DSPP: variants seen among roughly 807,000 people sequenced by gnomAD.
DSPP encodes the protein dentin sialophosphoprotein, also known as deafness, autosomal dominant 39.
A neutral mutation model predicts 29.1 loss-of-function variants in DSPP; 28 were observed. That is an observed-to-expected ratio of 0.96 (90% CI 0.71 to 1.32). The LOEUF is 1.32. Among genes scored for constraint, DSPP ranks in the 40% most tolerant of loss-of-function variants. The pLI is 0.00. For synonymous variants in DSPP, 481 were observed against 503.4 expected (o/e 0.96, Z 0.60); for missense variants, 1,281 against 1,629.9 (o/e 0.79, Z 3.69).
intron 2 of DSPP, among the ~76,000 whole-genome samples, chr4:87,611,668 T>C (rs1261836092): frequency 1.3e-5 from 2 of 152,220 alleles, no homozygotes; most frequent in Non-Finnish European, 1.5e-5. Flanking sequence ...AGCGTAATAC[T>C]TGATTTTGCC....
intron 2 of DSPP, among the ~76,000 whole-genome samples, chr4:87,611,701 C>T (rs1727737650): frequency 6.6e-6 from 1 of 152,188 alleles, no homozygotes; most frequent in Non-Finnish European, 1.5e-5. Flanking sequence ...CTGGTCACGC[C>T]TCCTGTTCTC....
At position 87,615,954 on chromosome 4, in the gene DSPP, G is replaced by A. The variant is rs1171419071; in HGVS notation, c.3292G>A (p.Asp1098Asn). 1.9e-5 allele frequency: 9 copies of A among 473,910 alleles called. 3 individuals are homozygous for A. The highest frequency in any genetic ancestry group is 2.8e-5 in the Non-Finnish European group (9 of 326,258). 29.4% of individuals were successfully genotyped at this position (473,910 alleles called of 1,614,324 possible). The change falls in exon 5 of 5, where the codon GAT becomes AAT. Residue 1098 changes from aspartate (D) to asparagine (N), a missense_variant. Physicochemically the swap from Asp to Asn is conservative, Grantham distance 23. This residue lies in a region of DSPP where 72 missense variants were observed against 190.3 expected (regional missense o/e 0.38). Transcript: ENST00000651931. ...SDSSNSSDSSDSSDSSDSSDS... is the reference protein window; with the variant it reads ...SDSSNSSDSSNSSDSSDSSDS... ...CAGCAGCAATAGCAGTGACAGCAGC[G>A]ATAGCAGCGACAGCAGCGACAGCAG...
intron 2 of DSPP, among the ~76,000 whole-genome samples, chr4:87,611,205 T>A (rs1295143134): frequency 2.6e-5 from 4 of 152,146 alleles, no homozygotes; most frequent in Non-Finnish European, 5.9e-5. Context: ...CAATTCATCG[T>A]CTCATTCCTC....
chr4:87,610,526 G>T (rs2109994668), intron 1 of DSPP, among the ~76,000 whole-genome samples: 1 of 152,282 alleles, frequency 6.6e-6, no homozygotes, highest in East Asian at 1.9e-4. Flanking sequence ...TACCTTTGAA[G>T]CACAATTTCA....
chr4:87,609,378 C>T (rs184573776), intron 1 of DSPP, among the ~76,000 whole-genome samples: 46 of 152,280 alleles, frequency 3.0e-4, no homozygotes, highest in Non-Finnish European at 5.6e-4. Flanking sequence ...ACAGTGCAGA[C>T]GGGCCTTCTG....
In DSPP at chr4:87,616,496, TAAC is replaced by T. The variant is rs769481135; in HGVS notation, c.3840_3842del (p.Asn1281del). 8 of 1,551,726 alleles carry T rather than the reference TAAC, an allele frequency of 5.2e-6. No homozygotes were observed. The South Asian group carries it at 7.1e-5, about 14-fold the overall frequency. ...ACAGCCAGAGCAAGTCTGGTAACGG[TAAC>T]AACAATGGAAGTGACAGTGACAGTG... On this transcript the variant is annotated inframe_deletion, in exon 5 of 5. Transcript: ENST00000651931.
Position 87,612,516 on chromosome 4 carries a change from T to C in DSPP, c.330T>C (p.Asn110=). ...ANEEGNIEGW[N]GDTGKAETYG... ...AAGAGGGGAATATTGAGGGCTGGAATGGGGACACAGGAAAAGCAGAAACAT... is the reference window on the plus strand; with the variant it reads ...AAGAGGGGAATATTGAGGGCTGGAACGGGGACACAGGAAAAGCAGAAACAT... Residue 110 remains asparagine, a synonymous_variant, in exon 4 of 5, where the codon AAT becomes AAC. Coordinates refer to ENST00000651931, the MANE Select transcript of DSPP (RefSeq NM_014208.3). 1.2e-6 allele frequency: 2 copies of C among 1,614,040 alleles called. No individual in the cohort carries two copies. Among genetic ancestry groups the C allele is most frequent in the South Asian group, 2.2e-5 (2 of 91,072 alleles).
rs1274043085 is a variant in DSPP, at chr4:87,614,261, G to A, written c.1599G>A (p.Gly533=). ...ACAGTAATGGCAATGGTAACAATGG[G>A]AATGATGACAATGACAAATCAGACA... The part of the protein sequence containing the change: ...NSDSNGNGNN[G]NDDNDKSDSG... The change falls in exon 5 of 5, where the codon GGG becomes GGA. Residue 533 remains glycine (G), a synonymous_variant. Transcript: ENST00000651931. 7 of 1,614,124 alleles carry A rather than the reference G, an allele frequency of 4.3e-6. No homozygotes were observed. Among genetic ancestry groups the A allele is most frequent in the African/African-American group, 2.7e-5 (2 of 74,950 alleles).
In DSPP at chr4:87,612,048, C is replaced by T. The variant is rs1485543982; in HGVS notation, c.52-57C>T. On this transcript the variant is annotated intron_variant, in intron 2 of 4. Coordinates refer to ENST00000651931, the MANE Select transcript of DSPP (RefSeq NM_014208.3). Reference sequence around the variant, plus strand: ...GTGTGTGTGTGTGTGTGTGCACGCTCACACACATATTCACAAATAAGAACC... The same window carrying T: ...GTGTGTGTGTGTGTGTGTGCACGCTTACACACATATTCACAAATAAGAACC... 2.7e-6 allele frequency: 4 copies of T among 1,494,710 alleles called. No individual in the cohort carries two copies. The African/African-American group carries it at 5.6e-5, about 21-fold the overall frequency. The allele number at this position is 1,494,710 out of a possible 1,614,324, so 92.6% of individuals were successfully genotyped here.
At chr4:87,612,259 T>C (rs1397976803) in intron 3 of DSPP, 63 bp from the exon 4 acceptor site, 33 of 1,612,456 alleles carry the variant, frequency 2.0e-5, no homozygotes, top group Non-Finnish European at 2.5e-5. Context: ...TTCTCCAAGA[T>C]TGCAATTTGC....
Position 87,615,075 on chromosome 4 carries a change from AACAGCAGTGATAGCAGTGATAGCAGTG to A in DSPP, c.2428_2454del (p.Ser810_Ser818del). 1 of 1,549,940 alleles carries A rather than the reference AACAGCAGTGATAGCAGTGATAGCAGTG, an allele frequency of 6.5e-7. No individual in the cohort carries two copies. Among genetic ancestry groups the A allele is most frequent in the East Asian group, 2.4e-5 (1 of 40,886 alleles). The stretch of plus-strand genomic sequence containing the variant: ...TAGCAGCAACAGCAGTGATAGCAGC[AACAGCAGTGATAGCAGTGATAGCAGTG>A]ACAGCAGTGATAGCGACAGCAGCAA... On this transcript the variant is annotated inframe_deletion, in exon 5 of 5. Transcript: ENST00000651931.
chr4:87,609,158 T>C (rs1238034088), intron 1 of DSPP, among the ~76,000 whole-genome samples: 1 of 152,218 alleles, frequency 6.6e-6, no homozygotes, highest in African/African-American at 2.4e-5. Context: ...CTTTGTTTCA[T>C]GCTGAGATCA....
rs761624644 is a variant in DSPP, at chr4:87,610,989, C to T, written c.51+30C>T. Reference sequence around the variant, plus strand: ...GTATGCCTTTCTTAGAAAACCTCTTCACTTTGTTATCTTTTTTAACCTAAC... The same window carrying T: ...GTATGCCTTTCTTAGAAAACCTCTTTACTTTGTTATCTTTTTTAACCTAAC... On this transcript the variant is annotated intron_variant, in intron 2 of 4. Coordinates refer to ENST00000651931, the MANE Select transcript of DSPP (RefSeq NM_014208.3). The T allele has an allele frequency of 1.2e-5, 19 of 1,601,192 alleles. No homozygotes were observed. The Admixed American group carries it at 3.0e-4, about 25-fold the overall frequency.
Position 87,612,913 on chromosome 4 carries a change from G to A in DSPP, c.727G>A (p.Asp243Asn), listed in dbSNP as rs3750025. 52,520 of 1,614,080 alleles carry A rather than the reference G, an allele frequency of 0.033. 3,226 individuals are homozygous for A. The highest frequency in any genetic ancestry group is 0.32 in the East Asian group (14,327 of 44,866). ...AGAAGATGCTGGCCTGGATAATTCC[G>A]ATGGGAGTCCTAGTGGGAATGGAGC... ...TGEDAGLDNS[D>N]GSPSGNGADE... Residue 243 changes from aspartate to asparagine, a missense_variant, in exon 4 of 5, where the codon GAT (aspartate) becomes AAT (asparagine). Physicochemically the swap from Asp to Asn is conservative, Grantham distance 23. Transcript: ENST00000651931.
chr4:87,615,673 G>T lies in DSPP; in HGVS notation c.3011G>T (p.Ser1004Ile). The change falls in exon 5 of 5, where the codon AGT (serine) becomes ATT (isoleucine). Residue 1004 changes from serine to isoleucine, a missense_variant. Around this residue, in one of 4 missense-constraint regions of DSPP, gnomAD observed 72 missense variants for 190.3 expected, o/e 0.38. Coordinates refer to ENST00000651931, the MANE Select transcript of DSPP (RefSeq NM_014208.3). ...GACAGCAGTGATAGCAGCAACAGCAGTGATAGCAGTGACAGCAGTGACAGC... is the reference window on the plus strand; with the variant it reads ...GACAGCAGTGATAGCAGCAACAGCATTGATAGCAGTGACAGCAGTGACAGC... Reference protein sequence around the residue: ...SSDSSDSSNSSDSSDSSDSSD... With the variant: ...SSDSSDSSNSIDSSDSSDSSD... 1.3e-6 allele frequency: 2 copies of T among 1,536,598 alleles called. No individual in the cohort carries two copies. Among genetic ancestry groups the T allele is most frequent in the Non-Finnish European group, 1.8e-6 (2 of 1,138,918 alleles).
rs759919648 is a variant in DSPP at position 87,614,114 on chromosome 4, C to T, written c.1452C>T (p.Asn484=). The T allele has an allele frequency of 7.4e-6, 12 of 1,614,226 alleles. No homozygotes were observed. The South Asian group carries it at 1.3e-4, about 18-fold the overall frequency. ...NDDANSESDN[N]SSSRGDASYN... ...ATGCTAATTCAGAAAGTGACAATAACAGCAGTAGCCGAGGAGATGCTTCTT... is the reference window on the plus strand; with the variant it reads ...ATGCTAATTCAGAAAGTGACAATAATAGCAGTAGCCGAGGAGATGCTTCTT... Residue 484 remains asparagine, a synonymous_variant, in exon 5 of 5, where the codon AAC becomes AAT. Transcript: ENST00000651931.
At chr4:87,611,177 GT>G (rs1727729211) in intron 2 of DSPP, among the ~76,000 whole-genome samples, 1 of 151,732 alleles carries the variant, frequency 6.6e-6, no homozygotes, top group African/African-American at 2.4e-5. Context: ...TATCTGTGAG[GT>G]TTCAACAAAA....
intron 2 of DSPP, among the ~76,000 whole-genome samples, chr4:87,611,177 G>T (rs575847619): frequency 6.6e-6 from 1 of 151,732 alleles, no homozygotes; most frequent in Non-Finnish European, 1.5e-5. Context: ...TATCTGTGAG[G>T]TTTCAACAAA....
intron 1 of DSPP, among the ~76,000 whole-genome samples, chr4:87,609,906 AT>A (rs1727702669): frequency 6.6e-6 from 1 of 152,230 alleles, no homozygotes; most frequent in African/African-American, 2.4e-5. Flanking sequence ...CCATTTCTGA[AT>A]TTGAATTCTA....
Sources: allele counts gnomAD v4.1 joint callset (sites outside exome capture counted in the v4.1 genomes callset), GRCh38; gene constraint gnomAD v4.1.1; regional missense constraint gnomAD v4.1.1; transcripts MANE v1.5; gene names NCBI Gene and HGNC (gene_info 2026-07-23, HGNC 2026-07-21).